SLC14A2: variants seen among roughly 807,000 people sequenced by gnomAD.
The protein encoded by SLC14A2 is solute carrier family 14 member 2.
In SLC14A2, 91 loss-of-function variants were observed where a neutral mutation model predicts 104.6. That is an observed-to-expected ratio of 0.87 (90% CI 0.73 to 1.04). SLC14A2 has a LOEUF of 1.04. SLC14A2 is among the 50% of genes least tolerant of loss of function. The pLI, the probability that SLC14A2 is intolerant of heterozygous loss-of-function variation, is 0.00. For synonymous variants in SLC14A2, 476 were observed against 466.4 expected (o/e 1.02, Z -0.27); for missense variants, 1,189 against 1,156.0 (o/e 1.03, Z -0.41).
chr18:45,562,342 G>C (rs1209739756), intron 2 of SLC14A2, among the ~76,000 whole-genome samples: 1 of 152,240 alleles, frequency 6.6e-6, no homozygotes, highest in African/African-American at 2.4e-5. Context: ...GACCAAGTAA[G>C]AGTGAAATCT....
At chr18:45,398,743 C>T (rs966892523) in intron 1 of SLC14A2, among the ~76,000 whole-genome samples, 3 of 152,142 alleles carry the variant, frequency 2.0e-5, no homozygotes, top group Admixed American at 6.6e-5. Flanking sequence ...CATTCTCTCT[C>T]CACCCAACCA....
chr18:45,606,614 A>AAAC (rs1429702023), intron 2 of SLC14A2, among the ~76,000 whole-genome samples: 5 of 67,840 alleles, frequency 7.4e-5, no homozygotes, highest in Admixed American at 1.6e-4. Context: ...AATGGCAAGA[A>AAAC]AACATATGCC....
At chr18:45,513,415 A>T (rs1598944987) in intron 2 of SLC14A2, among the ~76,000 whole-genome samples, 1 of 152,226 alleles carries the variant, frequency 6.6e-6, no homozygotes, top group East Asian at 1.9e-4. Flanking sequence ...GTTAGAGGGA[A>T]TGTATACCAA....
intron 1 of SLC14A2, among the ~76,000 whole-genome samples, chr18:45,477,298 T>C (rs2087399889): frequency 1.3e-5 from 2 of 152,212 alleles, no homozygotes; most frequent in South Asian, 4.1e-4. Context: ...TTTGCCTGGG[T>C]ATCACCAGTG....
In SLC14A2 at chr18:45,396,194, T is replaced by C. The variant is rs59881090; in HGVS notation, c.-124-87039T>C. Among the ~76,000 whole-genome samples the C allele has an allele frequency of 9.4e-3, 1,438 of 152,296 alleles. 26 individuals carry two copies. The highest frequency in any genetic ancestry group is 0.033 in the African/African-American group (1,367 of 41,566). On this transcript the variant is annotated intron_variant, in intron 1 of 20. Coordinates refer to the SLC14A2 transcript ENST00000586448. ...ATGTTTATCCTGATTAAAATGCATA[T>C]TGTTTATTCTTCATCTTTGTCATAT...
intron 1 of SLC14A2, among the ~76,000 whole-genome samples, chr18:45,391,220 C>T (rs1005157190): frequency 5.3e-5 from 8 of 152,144 alleles, no homozygotes; most frequent in Non-Finnish European, 1.2e-4. Context: ...ATGATGGTTT[C>T]CAGCTTCATC....
the SLC14A2 span, among the ~76,000 whole-genome samples, chr18:45,175,369 T>A: frequency 7.9e-6 from 1 of 125,792 alleles, no homozygotes; most frequent in Non-Finnish European, 1.8e-5. Context: ...AAAAGTGTCA[T>A]AATATACTAT....
At chr18:45,551,446 A>G (rs1022222510) in intron 2 of SLC14A2, among the ~76,000 whole-genome samples, 11 of 152,254 alleles carry the variant, frequency 7.2e-5, no homozygotes, top group East Asian at 1.9e-4. Context: ...CACCAATAAG[A>G]AAACAGCTAC....
chr18:45,303,797 G>A (rs557341232), intron 1 of SLC14A2, among the ~76,000 whole-genome samples: 1 of 152,166 alleles, frequency 6.6e-6, no homozygotes, highest in South Asian at 2.1e-4. Flanking sequence ...CCTTCCATTT[G>A]AGCAAAAGAT....
chr18:45,339,319 T>C (rs975322064), intron 1 of SLC14A2, among the ~76,000 whole-genome samples: 1 of 152,194 alleles, frequency 6.6e-6, no homozygotes, highest in African/African-American at 2.4e-5. Context: ...TGCAAGCCAA[T>C]TCCACATTCT....
chr18:45,233,110 C>T (rs1439609114), intron 1 of SLC14A2, among the ~76,000 whole-genome samples: 1 of 152,136 alleles, frequency 6.6e-6, no homozygotes, highest in Non-Finnish European at 1.5e-5. Context: ...TAGGTAACAA[C>T]TTTCTAACAT....
chr18:45,632,841 C>A (rs2045367546), intron 5 of SLC14A2, among the ~76,000 whole-genome samples: 1 of 152,132 alleles, frequency 6.6e-6, no homozygotes, highest in African/African-American at 2.4e-5. Flanking sequence ...CCACGCCCAG[C>A]TAATTTTTTG....
chr18:45,519,352 T>C (rs1457601654), intron 2 of SLC14A2, among the ~76,000 whole-genome samples: 1 of 152,186 alleles, frequency 6.6e-6, no homozygotes, highest in Non-Finnish European at 1.5e-5. Flanking sequence ...GAGTTCCATT[T>C]GATTGCTTCT....
At chr18:45,282,457 C>T (rs572021414) in intron 1 of SLC14A2, among the ~76,000 whole-genome samples, 26 of 152,306 alleles carry the variant, frequency 1.7e-4, no homozygotes, top group African/African-American at 5.8e-4. Flanking sequence ...ACCGCACCAA[C>T]ATTGCCCCCT....
At chr18:45,682,169 C>T in intron 19 of SLC14A2, 150 bp from the exon 20 acceptor site, 1 of 728,980 alleles carries the variant, frequency 1.4e-6, no homozygotes, top group South Asian at 1.6e-5. Flanking sequence ...ATAGCACTGG[C>T]ATGATTTTAT....
chr18:45,552,609 G>A (rs1451737545), intron 2 of SLC14A2, among the ~76,000 whole-genome samples: 1 of 152,226 alleles, frequency 6.6e-6, no homozygotes, highest in Non-Finnish European at 1.5e-5. Flanking sequence ...GTGGTGCTGG[G>A]TGTGTGTGGA....
chr18:45,306,514 A>G (rs1001467729), intron 1 of SLC14A2, among the ~76,000 whole-genome samples: 1 of 152,220 alleles, frequency 6.6e-6, no homozygotes, highest in African/African-American at 2.4e-5. Context: ...TAGTATTCCA[A>G]TAACACTTCA....
chr18:45,534,202 C>T (rs1435140377), intron 2 of SLC14A2, among the ~76,000 whole-genome samples: 2 of 152,086 alleles, frequency 1.3e-5, no homozygotes, highest in South Asian at 2.1e-4. Flanking sequence ...ATTCCCTCCA[C>T]GAATTTCACT....
intron 4 of SLC14A2, among the ~76,000 whole-genome samples, chr18:45,629,994 C>T (rs974091424): frequency 1.3e-5 from 2 of 152,234 alleles, no homozygotes; most frequent in Non-Finnish European, 2.9e-5. Context: ...CTTCCTCCCC[C>T]AGGGAGCCAC....
Sources: allele counts gnomAD v4.1 joint callset (sites outside exome capture counted in the v4.1 genomes callset), GRCh38; gene constraint gnomAD v4.1.1; transcripts MANE v1.5; gene names NCBI Gene and HGNC (gene_info 2026-07-23, HGNC 2026-07-21).